The following CACNA1S variants were observed in gnomAD, a reference collection of about 807,000 sequenced individuals.
The protein encoded by CACNA1S is calcium voltage-gated channel subunit alpha1 S.
In CACNA1S, 126 loss-of-function variants were observed where a neutral mutation model predicts 207.4. The ratio of observed to expected loss-of-function variants is 0.61; its 90% CI spans 0.53 to 0.70. CACNA1S has a LOEUF of 0.70. Among genes scored for constraint, CACNA1S ranks in the 30% least tolerant of loss-of-function variants. CACNA1S has a pLI of 0.00. For synonymous variants in CACNA1S, 960 were observed against 932.7 expected, an observed-to-expected ratio of 1.03 and a Z score of -0.53; for missense variants, 2,349 against 2,422.8, an observed-to-expected ratio of 0.97 and a Z score of 0.64.
intron 16 of CACNA1S, among the ~76,000 whole-genome samples, chr1:201,071,865 T>C (rs1195672370): frequency 6.6e-6 from 1 of 152,266 alleles, no homozygotes; most frequent in Non-Finnish European, 1.5e-5. Flanking sequence ...CTTTGCAAAA[T>C]TCTTTCATGC....
At position 201,040,372 on chromosome 1, in the gene CACNA1S, G is replaced by A. The variant is rs1434902604; in HGVS notation, c.5229C>T (p.Cys1743=). The part of the protein sequence containing the change: ...RGQAPPAPCQ[C]PRVESSMPED... ...CAGGCATGGAGGACTCCACCCTGGGGCACTGTTCCAAAGGTACAAAAGCAA... is the reference window on the plus strand; with the variant it reads ...CAGGCATGGAGGACTCCACCCTGGGACACTGTTCCAAAGGTACAAAAGCAA... Residue 1743 remains cysteine, a splice_region_variant and synonymous_variant, in exon 43 of 44, where the codon TGC becomes TGT. Coordinates refer to ENST00000362061, the MANE Select transcript of CACNA1S (RefSeq NM_000069.3). 4 of 1,613,034 alleles carry A rather than the reference G, an allele frequency of 2.5e-6. No individual in the cohort carries two copies. The African/African-American group carries it at 5.3e-5, about 22-fold the overall frequency.
chr1:201,099,327 C>T (rs1662555363), intron 2 of CACNA1S, among the ~76,000 whole-genome samples: 1 of 152,206 alleles, frequency 6.6e-6, no homozygotes, highest in African/African-American at 2.4e-5. Flanking sequence ...CTGGAGGGTT[C>T]TGGGATCTAC....
At chr1:201,093,195 G>T (rs973415235) in intron 3 of CACNA1S, among the ~76,000 whole-genome samples, 4 of 152,198 alleles carry the variant, frequency 2.6e-5, no homozygotes, top group Admixed American at 6.5e-5. Context: ...GGTTGTATTT[G>T]GAGACAGGGT....
chr1:201,111,958 C>CTCTTCCTCCTCCTCCCCCACCCTCCTCG (rs1204605657), intron 1 of CACNA1S, among the ~76,000 whole-genome samples: 1 of 148,712 alleles, frequency 6.7e-6, no homozygotes, highest in South Asian at 2.2e-4. Context: ...CACCCTCCTC[C>CTCTTCCTCCTCCTCCCCCACCCTCCTCG]TCTTCCTCCT....
intron 2 of CACNA1S, among the ~76,000 whole-genome samples, chr1:201,102,134 A>G (rs1270892092): frequency 6.6e-6 from 1 of 152,196 alleles, no homozygotes; most frequent in African/African-American, 2.4e-5. Flanking sequence ...GTGGTGCTGG[A>G]TACAGCACAG....
chr1:201,085,222 A>T (rs1254157434), intron 8 of CACNA1S, among the ~76,000 whole-genome samples, 191 bp from the exon 9 acceptor site: 1 of 152,162 alleles, frequency 6.6e-6, no homozygotes, highest in Non-Finnish European at 1.5e-5. Flanking sequence ...CTTTATCTGC[A>T]GGGGAGGCGC....
At chr1:201,084,563 G>A (rs1661961535) in intron 9 of CACNA1S, among the ~76,000 whole-genome samples, 2 of 152,150 alleles carry the variant, frequency 1.3e-5, no homozygotes, top group African/African-American at 4.8e-5. Context: ...TTCCTGAGGG[G>A]CTCCCGGTTT....
rs778635255 is a variant in CACNA1S at position 201,043,459 on chromosome 1, T to C, written c.4870A>G (p.Asn1624Asp). The C allele has an allele frequency of 6.2e-7, 1 of 1,614,064 alleles. No individual in the cohort carries two copies. Among genetic ancestry groups the C allele is most frequent in the South Asian group, 1.1e-5 (1 of 91,062 alleles). ...RTNSLPPVMA[N>D]QRPLQFAEIE... ...TCAGCAAACTGGAGGGGTCTCTGAT[T>C]GGCCATGACGGGGGGCAGGGAGTTG... Residue 1624 changes from asparagine to aspartate, a missense_variant, in exon 40 of 44, where the codon AAT (asparagine) becomes GAT (aspartate). By Grantham distance (23) the Asn-to-Asp change is conservative. Coordinates refer to ENST00000362061, the MANE Select transcript of CACNA1S (RefSeq NM_000069.3).
chr1:201,041,739 C>T, intron 40 of CACNA1S, 150 bp from the exon 41 acceptor site: 1 of 699,130 alleles, frequency 1.4e-6, no homozygotes, highest in Admixed American at 2.0e-5. Context: ...ACGTTTCCAC[C>T]ACTGTGCCCC....
chr1:201,086,485 A>G (rs1662043625), intron 7 of CACNA1S, among the ~76,000 whole-genome samples: 1 of 152,212 alleles, frequency 6.6e-6, no homozygotes, highest in African/African-American at 2.4e-5. Flanking sequence ...CTACACATCT[A>G]GGCTACATGG....
intron 24 of CACNA1S, 83 bp downstream of exon 24, chr1:201,061,861 G>A (rs905447362): frequency 1.5e-5 from 23 of 1,499,036 alleles, no homozygotes; most frequent in East Asian, 2.3e-5. Flanking sequence ...CAGTAGCACC[G>A]TGGGGGCTGC....
At chr1:201,078,879 T>C (rs1661734378) in intron 10 of CACNA1S, among the ~76,000 whole-genome samples, 1 of 152,040 alleles carries the variant, frequency 6.6e-6, no homozygotes, top group African/African-American at 2.4e-5. Context: ...TCCCAGCACT[T>C]TGGGAGGTCG....
intron 22 of CACNA1S, 85 bp downstream of exon 22, chr1:201,065,753 T>G: frequency 1.1e-6 from 1 of 897,166 alleles, no homozygotes; most frequent in Non-Finnish European, 1.9e-6. Context: ...ACATCTGTTT[T>G]CACAATGTGG....
intron 16 of CACNA1S, among the ~76,000 whole-genome samples, chr1:201,070,992 C>A (rs1661421102): frequency 6.6e-6 from 1 of 152,180 alleles, no homozygotes. Context: ...TTCACCCAGT[C>A]CCCAGGATGC....
At chr1:201,061,602 G>A in intron 24 of CACNA1S, 134 bp from the exon 25 acceptor site, 1 of 864,250 alleles carries the variant, frequency 1.2e-6, no homozygotes, top group South Asian at 1.7e-5. Flanking sequence ...TTACGGGACA[G>A]GAGTTAGGTC....
rs1416418517 is a variant in CACNA1S, at chr1:201,091,718, TAAA to T, written c.613_615del (p.Phe205del). The T allele has an allele frequency of 1.2e-6, 2 of 1,613,924 alleles. No individual in the cohort carries two copies. Among genetic ancestry groups the T allele is most frequent in the Non-Finnish European group, 1.7e-6 (2 of 1,179,948 alleles). ...CCGATGATGGCATAGATGATGACCA[TAAA>T]GAGGACCAGCAGGGCGATGTGAAAG... On this transcript the variant is annotated inframe_deletion, in exon 5 of 44. Transcript: ENST00000362061.
chr1:201,085,346 A>G, intron 8 of CACNA1S, 90 bp downstream of exon 8: 1 of 1,544,392 alleles, frequency 6.5e-7, no homozygotes, highest in African/African-American at 1.4e-5. Context: ...CTAATGTTGG[A>G]CTTGCTCAGT....
intron 39 of CACNA1S, 88 bp downstream of exon 39, chr1:201,044,240 G>C: frequency 6.4e-7 from 1 of 1,555,474 alleles, no homozygotes; most frequent in Non-Finnish European, 8.8e-7. Flanking sequence ...TCCCCCTCTC[G>C]TGTGGCTGGG....
Position 201,098,648 on chromosome 1 carries a change from C to T in CACNA1S, c.259-4627G>A, listed in dbSNP as rs542503585. Among the ~76,000 whole-genome samples, 3 of 152,320 alleles carry T rather than the reference C, an allele frequency of 2.0e-5. No homozygotes were observed. In the East Asian group the frequency reaches 5.8e-4, roughly 29 times the overall value. ...GAACAATGGAAAGTCACAATTTCTG[C>T]TCACCTTCGAACCAGGTGCAGCCTT... On this transcript the variant is annotated intron_variant, in intron 2 of 43. Coordinates refer to ENST00000362061, the MANE Select transcript of CACNA1S (RefSeq NM_000069.3).
Sources: gnomAD v4.1 joint callset for allele counts (sites outside exome capture counted in the v4.1 genomes callset) on GRCh38, gnomAD v4.1.1 for gene constraint, MANE v1.5 for transcripts, NCBI Gene and HGNC (gene_info 2026-07-23, HGNC 2026-07-21) for gene names.